The following DLGAP1 variants were observed in gnomAD, a reference collection of about 807,000 sequenced individuals.
The protein encoded by DLGAP1 is DLG associated protein 1.
A neutral mutation model predicts 90.8 loss-of-function variants in DLGAP1; 11 were observed. That is an observed-to-expected ratio of 0.12 (90% CI 0.08 to 0.20). DLGAP1 has a LOEUF of 0.20. Ranked by LOEUF, DLGAP1 falls within the 10% of genes least tolerant of loss-of-function variation. The probability of loss-of-function intolerance (pLI) is 1.00; values close to 1 mark genes in which losing one functional copy is unlikely to be tolerated. For missense variants in DLGAP1, 1,050 were observed against 1,333.8 expected (o/e 0.79, Z 3.31); for synonymous variants, 558 against 540.7 (o/e 1.03, Z -0.44).
At chr18:4,329,917 T>C (rs2143712775) in intron 1 of DLGAP1, among the ~76,000 whole-genome samples, 1 of 152,178 alleles carries the variant, frequency 6.6e-6, no homozygotes, top group Non-Finnish European at 1.5e-5. Context: ...TTACCTCTTC[T>C]ATTTTCTGGA....
At chr18:4,075,650 G>C (rs1164921752) in intron 2 of DLGAP1, among the ~76,000 whole-genome samples, 1 of 152,092 alleles carries the variant, frequency 6.6e-6, no homozygotes, top group African/African-American at 2.4e-5. Context: ...GTTTTGTCTG[G>C]CATTATTAGG....
chr18:3,651,832 G>A (rs1470918241), intron 7 of DLGAP1, among the ~76,000 whole-genome samples: 8 of 151,888 alleles, frequency 5.3e-5, no homozygotes, highest in African/African-American at 9.7e-5. Flanking sequence ...ATAGCCGGGC[G>A]TGGTGGCGGG....
Position 4,378,534 on chromosome 18 carries a change from T to C in DLGAP1, c.-267+76472A>G, listed in dbSNP as rs1045224279. Among the ~76,000 whole-genome samples, 5 of 152,146 alleles carry C rather than the reference T, an allele frequency of 3.3e-5. No homozygotes were observed. Among genetic ancestry groups the C allele is most frequent in the Non-Finnish European group, 4.4e-5 (3 of 68,014 alleles). On this transcript the variant is annotated intron_variant, in intron 1 of 12. Transcript: ENST00000315677. This position sits in a 1 kb window ranked among gnomAD's most constrained non-coding sequence, Gnocchi z 4.5. Reference sequence around the variant, plus strand: ...AGACGAAATATCAAGATTTATCTTCTATGAACCTACAAACTGAATTATTAA... The same window carrying C: ...AGACGAAATATCAAGATTTATCTTCCATGAACCTACAAACTGAATTATTAA...
In DLGAP1 at chr18:3,879,961, T is replaced by C. The variant is rs202239984; in HGVS notation, c.108A>G (p.Pro36=). Residue 36 remains proline, a synonymous_variant, in exon 4 of 13, where the codon CCA becomes CCG. Coordinates refer to ENST00000315677, the MANE Select transcript of DLGAP1 (RefSeq NM_004746.4). This position sits in a 1 kb window ranked among gnomAD's most constrained non-coding sequence, Gnocchi z 6.6. ...HSDRKPYLLS[P]VEHHPADHPY... is the part of the protein sequence containing the mutation. Reference sequence around the variant, plus strand: ...GGTGGTCTGCGGGGTGGTGCTCCACTGGGCTCAGCAGGTAGGGCTTGCGGT... The same window carrying C: ...GGTGGTCTGCGGGGTGGTGCTCCACCGGGCTCAGCAGGTAGGGCTTGCGGT... 5 of 1,612,758 alleles carry C rather than the reference T, an allele frequency of 3.1e-6. No homozygotes were observed. The highest frequency in any genetic ancestry group is 1.3e-5 in the African/African-American group (1 of 74,932).
At chr18:3,688,662 CACACA>C (rs1567965780) in intron 7 of DLGAP1, among the ~76,000 whole-genome samples, 569 of 45,676 alleles carry the variant, frequency 0.012, 2 homozygotes, top group African/African-American at 0.053. Flanking sequence ...CACACACACA[CACACA>C]CCCTACCAAA....
chr18:4,373,037 G>A (rs1335815958), intron 1 of DLGAP1, among the ~76,000 whole-genome samples: 3 of 152,098 alleles, frequency 2.0e-5, no homozygotes, highest in African/African-American at 7.2e-5. Context: ...GGGGGTGCAC[G>A]GGTGATGGTC....
intron 3 of DLGAP1, among the ~76,000 whole-genome samples, chr18:3,996,387 C>A (rs988976860): frequency 1.2e-4 from 18 of 152,124 alleles, no homozygotes; most frequent in African/African-American, 4.3e-4. Context: ...ATACTCAATT[C>A]AGTCACTGAA....
At chr18:4,162,429 A>C (rs1380896192) in intron 1 of DLGAP1, among the ~76,000 whole-genome samples, 1 of 152,164 alleles carries the variant, frequency 6.6e-6, no homozygotes, top group Non-Finnish European at 1.5e-5. Context: ...TTCCAATTAA[A>C]ATTTTTAAAG....
chr18:4,015,570 T>G (rs1026145506), intron 2 of DLGAP1, among the ~76,000 whole-genome samples: 1 of 152,160 alleles, frequency 6.6e-6, no homozygotes, highest in African/African-American at 2.4e-5. Context: ...AGGGAAAATT[T>G]AAAAAAGTTT....
intron 3 of DLGAP1, among the ~76,000 whole-genome samples, chr18:3,891,735 A>G (rs571719713): frequency 1.3e-5 from 2 of 152,290 alleles, no homozygotes; most frequent in South Asian, 4.1e-4. Flanking sequence ...ACTTTTAAAG[A>G]GGAAATAACT....
intron 7 of DLGAP1, among the ~76,000 whole-genome samples, chr18:3,635,286 A>G (rs112585970): frequency 7.0e-4 from 107 of 151,926 alleles, no homozygotes; most frequent in Non-Finnish European, 9.9e-4. Context: ...GCCCGCCACC[A>G]CGCCCGGCTG....
In DLGAP1 at chr18:3,502,750, T is replaced by G. The variant is rs879330879; in HGVS notation, c.2572-105A>C. 75 of 1,305,822 alleles carry G rather than the reference T, an allele frequency of 5.7e-5. 2 individuals are homozygous for G. The highest frequency in any genetic ancestry group is 4.9e-4 in the East Asian group (21 of 42,712). The allele number at this position is 1,305,822 out of a possible 1,614,324, so 80.9% of individuals were successfully genotyped here. Reference sequence around the variant, plus strand: ...TTTCAAACAACATAAGGAGGACTAGTTCCTTTTGGTTTTCCGACACGAGGT... The same window carrying G: ...TTTCAAACAACATAAGGAGGACTAGGTCCTTTTGGTTTTCCGACACGAGGT... On this transcript the variant is annotated intron_variant, in intron 11 of 12. Transcript: ENST00000315677.
intron 1 of DLGAP1, among the ~76,000 whole-genome samples, chr18:4,336,365 G>A (rs2081067544): frequency 6.6e-6 from 1 of 152,186 alleles, no homozygotes; most frequent in African/African-American, 2.4e-5. Flanking sequence ...ACACTTTGAG[G>A]ACCACTGTGC....
chr18:3,962,260 G>A (rs1202524028), intron 3 of DLGAP1: 3 of 152,054 alleles, frequency 2.0e-5, no homozygotes, highest in African/African-American at 4.8e-5. Context: ...GGACGTCATC[G>A]GGTAAACTTT....
At chr18:3,602,412 A>ACG (rs1568283521) in intron 7 of DLGAP1, among the ~76,000 whole-genome samples, 1 of 151,922 alleles carries the variant, frequency 6.6e-6, no homozygotes, top group East Asian at 1.9e-4. Flanking sequence ...TGGCTAAGAC[A>ACG]GTGAAACCCC....
At chr18:4,303,184 C>A (rs961346310) in intron 1 of DLGAP1, among the ~76,000 whole-genome samples, 3 of 152,064 alleles carry the variant, frequency 2.0e-5, no homozygotes, top group African/African-American at 7.2e-5. Flanking sequence ...AGTCTGATAT[C>A]GATAGCTTCA....
At chr18:4,042,337 C>T (rs1051205968) in intron 2 of DLGAP1, among the ~76,000 whole-genome samples, 1 of 152,198 alleles carries the variant, frequency 6.6e-6, no homozygotes, top group Non-Finnish European at 1.5e-5. Flanking sequence ...TAAAGCACGT[C>T]AGACTTTCCT....
At chr18:3,618,388 C>G (rs1417727794) in intron 7 of DLGAP1, among the ~76,000 whole-genome samples, 3 of 152,008 alleles carry the variant, frequency 2.0e-5, no homozygotes, top group African/African-American at 7.2e-5. Flanking sequence ...GTCAAACAGC[C>G]CTTTCAAAGA....
intron 1 of DLGAP1, among the ~76,000 whole-genome samples, chr18:4,339,110 T>A (rs1230410761): frequency 1.3e-5 from 2 of 152,076 alleles, no homozygotes; most frequent in Non-Finnish European, 2.9e-5. Flanking sequence ...TGAAACTGGG[T>A]TTTGACTCCA....
Sources: gnomAD v4.1 joint callset for allele counts (sites outside exome capture counted in the v4.1 genomes callset) on GRCh38, gnomAD v4.1.1 for gene constraint, Gnocchi (gnomAD v3.1) non-coding constraint, MANE v1.5 for transcripts, NCBI Gene and HGNC (gene_info 2026-07-23, HGNC 2026-07-21) for gene names.